COPS2: variants seen among roughly 807,000 people sequenced by gnomAD.
COPS2 encodes the protein COP9 signalosome complex subunit 2.
A neutral mutation model predicts 66.1 loss-of-function variants in COPS2; 10 were observed. That is an observed-to-expected ratio of 0.15 (90% CI 0.09 to 0.26). COPS2 has a LOEUF of 0.26. COPS2 is among the 10% of genes least tolerant of loss of function. The pLI is 1.00. For missense variants in COPS2, 215 were observed against 513.3 expected (o/e 0.42, Z 5.62); for synonymous variants, 179 against 171.3 (o/e 1.04, Z -0.35).
chr15:49,127,782 T>C lies in COPS2; in HGVS notation c.*168A>G. ...GAGATTAAAGCTGTTTTTCTTGGGA[T>C]AAATGCAGCAGCAAAACACAAACCA... On this transcript the variant is annotated 3_prime_UTR_variant, in exon 13 of 13. Coordinates refer to ENST00000388901, the MANE Select transcript of COPS2 (RefSeq NM_004236.4). 1 of 652,892 alleles carries C rather than the reference T, an allele frequency of 1.5e-6. No individual in the cohort carries two copies. The highest frequency in any genetic ancestry group is 2.5e-6 in the Non-Finnish European group (1 of 406,146). 40.4% of individuals were successfully genotyped at this position (652,892 alleles called of 1,614,324 possible).
chr15:49,135,455 T>C lies in COPS2; in HGVS notation c.541-941A>G, dbSNP rs117536950. 5.2e-3 allele frequency among the ~76,000 whole-genome samples: 794 copies of C among 152,196 alleles called. 5 individuals carry two copies. The highest frequency in any genetic ancestry group is 0.017 in the Middle Eastern group (5 of 294). On this transcript the variant is annotated intron_variant, in intron 6 of 12. Coordinates refer to ENST00000388901, the MANE Select transcript of COPS2 (RefSeq NM_004236.4). Reference sequence around the variant, plus strand: ...CTCTAGTAGAAGATTAATCTGTCAGTAGATAAATTACAATGTAAGTGACAA... The same window carrying C: ...CTCTAGTAGAAGATTAATCTGTCAGCAGATAAATTACAATGTAAGTGACAA...
intron 1 of COPS2, among the ~76,000 whole-genome samples, chr15:49,149,565 A>T (rs1189803538): frequency 6.6e-6 from 1 of 152,174 alleles, no homozygotes; most frequent in Non-Finnish European, 1.5e-5. Flanking sequence ...ATATTACAAA[A>T]CGCTTAGTGA....
At chr15:49,145,565 C>T (rs1407529740) in intron 1 of COPS2, among the ~76,000 whole-genome samples, 2 of 152,106 alleles carry the variant, frequency 1.3e-5, no homozygotes, top group East Asian at 1.9e-4. Context: ...ATGGCAAAGT[C>T]ATCTAGCACT....
Position 49,137,179 on chromosome 15 carries a change from T to C in COPS2, c.511A>G (p.Ile171Val), listed in dbSNP as rs1345232593. The change falls in exon 6 of 13, where the codon ATT becomes GTT. Residue 171 changes from isoleucine (I) to valine (V), a missense_variant. By Grantham distance (29) the Ile-to-Val change is conservative. Coordinates refer to ENST00000388901, the MANE Select transcript of COPS2 (RefSeq NM_004236.4). ...CACGACTGATGTAACTGGCGTAAAA[T>C]TTTTTGAAGCTTTCCATATTCCTCT... ...EREEYGKLQK[I>V]LRQLHQSCQT... 1 of 1,604,002 alleles carries C rather than the reference T, an allele frequency of 6.2e-7. No individual in the cohort carries two copies. Among genetic ancestry groups the C allele is most frequent in the East Asian group, 2.2e-5 (1 of 44,690 alleles).
intron 3 of COPS2, among the ~76,000 whole-genome samples, chr15:49,143,416 A>G (rs983742938): frequency 6.6e-6 from 1 of 152,230 alleles, no homozygotes; most frequent in Non-Finnish European, 1.5e-5. Context: ...GAAAGTAAGG[A>G]GACCAGTTAA....
chr15:49,132,535 G>T (rs2084218660), intron 9 of COPS2, among the ~76,000 whole-genome samples: 2 of 89,406 alleles, frequency 2.2e-5, no homozygotes, highest in Admixed American at 3.3e-4. Context: ...ACTATAAATA[G>T]AACTTCTGGT....
At chr15:49,148,364 G>A (rs984558417) in intron 1 of COPS2, among the ~76,000 whole-genome samples, 2 of 152,212 alleles carry the variant, frequency 1.3e-5, no homozygotes, top group East Asian at 3.9e-4. Flanking sequence ...TCAAAAAGGA[G>A]TAATCAACTA....
At position 49,134,371 on chromosome 15, in the gene COPS2, G is replaced by T. The variant is rs747374772; in HGVS notation, c.684C>A (p.Ile228=). Residue 228 remains isoleucine, a synonymous_variant, in exon 7 of 13, where the codon ATC becomes ATA. Transcript: ENST00000388901. ...TAACTCCCATAATCAGTGGATGAGG[G>T]ATGGCAGACTTGATGTGAAGTGACT... The part of the protein sequence containing the change: ...YEQSLHIKSA[I]PHPLIMGVIR... 1.9e-6 allele frequency: 3 copies of T among 1,613,666 alleles called. No individual in the cohort carries two copies. Among genetic ancestry groups the T allele is most frequent in the African/African-American group, 2.7e-5 (2 of 74,892 alleles).
At chr15:49,144,059 ATT>A (rs1173325011) in intron 3 of COPS2, among the ~76,000 whole-genome samples, 166 bp downstream of exon 3, 1 of 152,158 alleles carries the variant, frequency 6.6e-6, no homozygotes, top group Non-Finnish European at 1.5e-5. Flanking sequence ...CCTATGAAGA[ATT>A]TGTTTTTTTT....
intron 1 of COPS2, among the ~76,000 whole-genome samples, chr15:49,145,489 T>C (rs2084314650): frequency 6.6e-6 from 1 of 152,182 alleles, no homozygotes; most frequent in South Asian, 2.1e-4. Flanking sequence ...CTAATTTTTC[T>C]ATTCCCCAAG....
At chr15:49,129,306 T>TAA (rs200431169) in intron 11 of COPS2, among the ~76,000 whole-genome samples, 171 bp downstream of exon 11, 1 of 143,476 alleles carries the variant, frequency 7.0e-6, no homozygotes. Flanking sequence ...CCCTGTCTCT[T>TAA]AAAAAAAAAA....
chr15:49,150,198 G>A (rs150432129), intron 1 of COPS2, among the ~76,000 whole-genome samples: 326 of 146,310 alleles, frequency 2.2e-3, no homozygotes, highest in African/African-American at 7.6e-3. Flanking sequence ...TGAGGCATGA[G>A]AATCACGCCA....
chr15:49,151,610 A>G (rs1256682040), intron 1 of COPS2, among the ~76,000 whole-genome samples: 1 of 152,044 alleles, frequency 6.6e-6, no homozygotes, highest in African/African-American at 2.4e-5. Context: ...TATGATTATT[A>G]TTTAGTGTTA....
intron 3 of COPS2, among the ~76,000 whole-genome samples, chr15:49,143,219 G>A (rs894900623): frequency 6.6e-6 from 1 of 152,134 alleles, no homozygotes; most frequent in South Asian, 2.1e-4. Context: ...GGCCAGTGAT[G>A]GAGCAAATAA....
chr15:49,151,087 G>A (rs2084357445), intron 1 of COPS2, among the ~76,000 whole-genome samples: 1 of 152,050 alleles, frequency 6.6e-6, no homozygotes, highest in African/African-American at 2.4e-5. Context: ...TGTTTTCCTT[G>A]TAATACATTT....
intron 11 of COPS2, among the ~76,000 whole-genome samples, 180 bp downstream of exon 11, chr15:49,129,297 C>G (rs1224369437): frequency 6.7e-6 from 1 of 150,132 alleles, no homozygotes; most frequent in Non-Finnish European, 1.5e-5. Context: ...ACAGCAAGAC[C>G]CTGTCTCTTA....
intron 6 of COPS2, among the ~76,000 whole-genome samples, chr15:49,136,554 G>A (rs2084253131): frequency 1.3e-5 from 2 of 152,008 alleles, no homozygotes; most frequent in South Asian, 4.1e-4. Flanking sequence ...CATATAAATT[G>A]GAATATAAAA....
Position 49,129,558 on chromosome 15 carries a change from C to T in COPS2, c.1047G>A (p.Glu349=). 6.8e-7 allele frequency: 1 copy of T among 1,473,010 alleles called. No homozygotes were observed. Among genetic ancestry groups the T allele is most frequent in the Non-Finnish European group, 9.1e-7 (1 of 1,101,516 alleles). 91.2% of individuals were successfully genotyped at this position (1,473,010 alleles called of 1,614,324 possible). The change falls in exon 11 of 13, where the codon GAG becomes GAA. Residue 349 remains glutamate (E), a splice_region_variant and synonymous_variant. Coordinates refer to ENST00000388901, the MANE Select transcript of COPS2 (RefSeq NM_004236.4). ...CTTGTGTTCTGATGTTTCGCAAAAG[C>T]TCTGAAAGACAAAAAATTAAAATAA... is the stretch of plus-strand genomic sequence containing the variant. ...DDPFIREHIE[E]LLRNIRTQVL... is the part of the protein sequence containing the mutation.
intron 6 of COPS2, among the ~76,000 whole-genome samples, chr15:49,135,425 TCA>T (rs2084244126): frequency 2.6e-5 from 4 of 152,134 alleles, no homozygotes; most frequent in Admixed American, 2.6e-4. Context: ...CTCAAAAAGT[TCA>T]CACTCTAGTA....
Sources: gnomAD v4.1 joint callset for allele counts (sites outside exome capture counted in the v4.1 genomes callset) on GRCh38, gnomAD v4.1.1 for gene constraint, MANE v1.5 for transcripts, NCBI Gene and HGNC (gene_info 2026-07-23, HGNC 2026-07-21) for gene names.